Variants in BAZ2B observed in about 807,000 individuals in gnomAD.
BAZ2B encodes the protein bromodomain adjacent to zinc finger domain 2B.
A neutral mutation model predicts 246.0 loss-of-function variants in BAZ2B; 91 were observed. That is an observed-to-expected ratio of 0.37 (90% confidence interval 0.31 to 0.44). The LOEUF is 0.44. Ranked by LOEUF, BAZ2B falls within the 20% of genes least tolerant of loss-of-function variation. The probability of loss-of-function intolerance (pLI) is 1.00; values close to 1 mark genes in which losing one functional copy is unlikely to be tolerated. For synonymous variants in BAZ2B, 855 were observed against 860.0 expected (o/e 0.99, Z 0.10); for missense variants, 2,332 against 2,533.7 (o/e 0.92, Z 1.71).
intron 13 of BAZ2B, chr2:159,419,873 C>T (rs1013811143): frequency 1.3e-5 from 2 of 152,194 alleles, no homozygotes; most frequent in African/African-American, 4.8e-5. Flanking sequence ...GGCTATGTTG[C>T]ATTAGGTGTG....
chr2:159,632,870 C>T, the BAZ2B span, among the ~76,000 whole-genome samples: 1 of 152,132 alleles, frequency 6.6e-6, no homozygotes, highest in African/African-American at 2.4e-5. Flanking sequence ...GTTTTATGTT[C>T]CTCTTACTCG....
At position 159,350,214 on chromosome 2, in the gene BAZ2B, T is replaced by C. The variant is rs1191393037; in HGVS notation, c.4357A>G (p.Lys1453Glu). 6.2e-7 allele frequency: 1 copy of C among 1,613,986 alleles called. No individual in the cohort carries two copies. The change falls in exon 28 of 37, where the codon AAA becomes GAA. Residue 1453 changes from lysine (K) to glutamate (E), a missense_variant. By Grantham distance (56) the Lys-to-Glu change is moderately conservative (BLOSUM62 1). This residue lies in a region of BAZ2B where 676 missense variants were observed against 668.6 expected (regional missense o/e 1.01). Coordinates refer to ENST00000392783, the MANE Select transcript of BAZ2B (RefSeq NM_013450.4). Reference protein sequence around the residue: ...HCEQKEDLKEKDNTNLFLQKP... With the variant: ...HCEQKEDLKEEDNTNLFLQKP... ...TGAAGGAATAGATTTGTGTTATCTT[T>C]TTCTTTAAGATCTTCCTTTTGTTCA... is the stretch of plus-strand genomic sequence containing the variant.
chr2:159,451,163 T>C (rs2075041539), intron 4 of BAZ2B, among the ~76,000 whole-genome samples: 1 of 152,186 alleles, frequency 6.6e-6, no homozygotes, highest in South Asian at 2.1e-4. Context: ...CAAAAATTCA[T>C]GGTAATTTAA....
intron 27 of BAZ2B, among the ~76,000 whole-genome samples, chr2:159,361,162 G>A (rs1280819009): frequency 6.6e-6 from 1 of 152,130 alleles, no homozygotes; most frequent in African/African-American, 2.4e-5. Context: ...GAGTGAACAG[G>A]CAGCTTACAG....
the BAZ2B span, among the ~76,000 whole-genome samples, chr2:159,642,745 A>T: frequency 6.6e-6 from 1 of 152,244 alleles, no homozygotes; most frequent in African/African-American, 2.4e-5. Context: ...AATCCTATCA[A>T]GAGTAGGATG....
At chr2:159,591,266 A>C (rs933887066) in intron 1 of BAZ2B, among the ~76,000 whole-genome samples, 1 of 152,252 alleles carries the variant, frequency 6.6e-6, no homozygotes, top group Non-Finnish European at 1.5e-5. Context: ...GAAGCAAATG[A>C]AAATTAAGTT....
the BAZ2B span, among the ~76,000 whole-genome samples, chr2:159,651,633 C>T: frequency 2.7e-3 from 414 of 152,110 alleles, 1 homozygote; most frequent in Admixed American, 5.7e-3. Flanking sequence ...TAATTTAGTG[C>T]TTTTTAGTCA....
At chr2:159,366,541 G>C (rs1037318534) in intron 27 of BAZ2B, among the ~76,000 whole-genome samples, 1 of 152,206 alleles carries the variant, frequency 6.6e-6, no homozygotes, top group African/African-American at 2.4e-5. Flanking sequence ...AAGGATACAA[G>C]CTTTCATTAC....
intron 2 of BAZ2B, among the ~76,000 whole-genome samples, chr2:159,524,503 T>C (rs182514267): frequency 6.6e-6 from 1 of 152,034 alleles, no homozygotes; most frequent in African/African-American, 2.4e-5. Flanking sequence ...AAAGAGCTGC[T>C]TTTTGGGGTA....
At chr2:159,643,217 C>A in the BAZ2B span, among the ~76,000 whole-genome samples, 1 of 152,154 alleles carries the variant, frequency 6.6e-6, no homozygotes, top group African/African-American at 2.4e-5. Flanking sequence ...GTTTAACCCA[C>A]AAAATTTTTT....
At chr2:159,690,217 T>C in the BAZ2B span, 1 of 441,526 alleles carries the variant, frequency 2.3e-6, no homozygotes. Flanking sequence ...ACATAGCAGG[T>C]GCTTTCACAT....
intron 27 of BAZ2B, among the ~76,000 whole-genome samples, chr2:159,359,564 C>T (rs1439697194): frequency 2.0e-5 from 3 of 152,254 alleles, no homozygotes; most frequent in East Asian, 3.9e-4. Flanking sequence ...TGAAACTATT[C>T]CCAACAATAG....
chr2:159,495,773 AC>A (rs1375922889), intron 2 of BAZ2B, among the ~76,000 whole-genome samples: 2 of 139,076 alleles, frequency 1.4e-5, no homozygotes, highest in African/African-American at 5.2e-5. Flanking sequence ...AAGAAGAAAT[AC>A]TTTTTTTTTT....
chr2:159,627,887 T>C, the BAZ2B span, among the ~76,000 whole-genome samples: 1 of 152,190 alleles, frequency 6.6e-6, no homozygotes, highest in Non-Finnish European at 1.5e-5. Context: ...TTGTCAATGT[T>C]TGCAGATGAC....
the BAZ2B span, among the ~76,000 whole-genome samples, chr2:159,689,011 T>C: frequency 2.6e-5 from 4 of 152,192 alleles, no homozygotes; most frequent in Admixed American, 2.0e-4. Context: ...GATTAGTATC[T>C]TGTGGGGAGA....
intron 3 of BAZ2B, chr2:159,464,365 G>A (rs2076780931): frequency 6.6e-6 from 1 of 152,112 alleles, no homozygotes; most frequent in Non-Finnish European, 1.5e-5. Flanking sequence ...GAGGTATTCT[G>A]TAAAATGTCC....
intron 2 of BAZ2B, among the ~76,000 whole-genome samples, chr2:159,529,619 T>C (rs2085154201): frequency 6.6e-6 from 1 of 152,186 alleles, no homozygotes; most frequent in South Asian, 2.1e-4. Context: ...GGCTAATTCA[T>C]ACTCATGACT....
At chr2:159,651,838 G>A in the BAZ2B span, among the ~76,000 whole-genome samples, 2 of 152,212 alleles carry the variant, frequency 1.3e-5, no homozygotes, top group African/African-American at 4.8e-5. Flanking sequence ...CATAGCATAA[G>A]TTTTCAGGGT....
intron 2 of BAZ2B, among the ~76,000 whole-genome samples, chr2:159,492,996 T>C (rs1312067080): frequency 1.3e-5 from 2 of 152,216 alleles, no homozygotes; most frequent in African/African-American, 4.8e-5. Flanking sequence ...ACAGTTCTTT[T>C]GATCCTCAAA....
Sources: allele counts gnomAD v4.1 joint callset (sites outside exome capture counted in the v4.1 genomes callset), GRCh38; gene constraint gnomAD v4.1.1; regional missense constraint gnomAD v4.1.1; transcripts MANE v1.5; gene names NCBI Gene and HGNC (gene_info 2026-07-23, HGNC 2026-07-21).